SLC5A10: variants seen among roughly 807,000 people sequenced by gnomAD.
SLC5A10 encodes the protein solute carrier family 5 member 10.
A neutral mutation model predicts 68.9 loss-of-function variants in SLC5A10; 55 were observed. The ratio of observed to expected loss-of-function variants is 0.80; its 90% CI spans 0.64 to 1.00. The LOEUF is 1.00. Among genes scored for constraint, SLC5A10 ranks in the 50% least tolerant of loss-of-function variants. SLC5A10 has a pLI of 0.00. For synonymous variants in SLC5A10, 344 were observed against 344.8 expected (o/e 1.00, Z 0.02); for missense variants, 732 against 819.3 (o/e 0.89, Z 1.30).
At chr17:18,956,465 GTTTTTTTTT>G (rs750867503) in intron 1 of SLC5A10, among the ~76,000 whole-genome samples, 1 of 98,010 alleles carries the variant, frequency 1.0e-5, no homozygotes, top group Admixed American at 1.3e-4. Context: ...TTTTCTTTCT[GTTTTTTTTT>G]TTTTTTTTTT....
chr17:18,987,913 T>C (rs921963013), intron 9 of SLC5A10, among the ~76,000 whole-genome samples: 1 of 152,218 alleles, frequency 6.6e-6, no homozygotes, highest in Non-Finnish European at 1.5e-5. Flanking sequence ...GAGCACACTA[T>C]CACCAGAGGT....
chr17:18,985,096 T>C (rs1039956149), intron 9 of SLC5A10, among the ~76,000 whole-genome samples: 1 of 152,152 alleles, frequency 6.6e-6, no homozygotes, highest in African/African-American at 2.4e-5. Flanking sequence ...AGCCAGACCC[T>C]GGCGCAGAGG....
intron 8 of SLC5A10, among the ~76,000 whole-genome samples, chr17:18,975,533 T>C (rs1301089123): frequency 6.6e-6 from 1 of 151,220 alleles, no homozygotes; most frequent in Non-Finnish European, 1.5e-5. Context: ...CTACTAAAAA[T>C]ACAAAAAAAA....
At chr17:18,970,606 A>C in intron 7 of SLC5A10, 1 of 246,952 alleles carries the variant, frequency 4.0e-6, no homozygotes, top group South Asian at 5.3e-5. Context: ...GATCAGGATG[A>C]ACACTTTAGA....
intron 8 of SLC5A10, chr17:18,975,636 G>C (rs1296089388): frequency 2.6e-5 from 4 of 151,932 alleles, no homozygotes; most frequent in Non-Finnish European, 1.5e-5. Flanking sequence ...CAGAGGTTGC[G>C]GTGACCCGAG....
Position 18,971,379 on chromosome 17 carries a change from G to A in SLC5A10, c.846+161G>A, listed in dbSNP as rs765570800. On this transcript the variant is annotated intron_variant, in intron 8 of 14. Transcript: ENST00000395645. The surrounding 1 kb of genome is among the most constrained non-coding windows in gnomAD (Gnocchi z 5.5). Reference sequence around the variant, plus strand: ...TGCTGCTAGGGGTCTTTGCGGTCCCGGGGGGCTTGAGCCCTCCGTTTAGAA... The same window carrying A: ...TGCTGCTAGGGGTCTTTGCGGTCCCAGGGGGCTTGAGCCCTCCGTTTAGAA... 2.5e-6 allele frequency: 4 copies of A among 1,601,780 alleles called. No homozygotes were observed. Among genetic ancestry groups the A allele is most frequent in the South Asian group, 2.2e-5 (2 of 90,458 alleles).
At chr17:18,998,637 T>C (rs2043632836) in intron 9 of SLC5A10, among the ~76,000 whole-genome samples, 1 of 152,190 alleles carries the variant, frequency 6.6e-6, no homozygotes, top group African/African-American at 2.4e-5. Context: ...TCCTTAGAGC[T>C]CCTTCCTCGA....
chr17:18,975,718 G>C (rs966417398), intron 8 of SLC5A10: 1 of 152,028 alleles, frequency 6.6e-6, no homozygotes, highest in Non-Finnish European at 1.5e-5. Flanking sequence ...AATCATAGAG[G>C]CTTCCTGCTC....
At position 18,996,715 on chromosome 17, in the gene SLC5A10, G is replaced by T. The variant is rs2043579209; in HGVS notation, c.983-16695G>T. Among the ~76,000 whole-genome samples the T allele has an allele frequency of 6.6e-6, 1 of 152,192 alleles. No homozygotes were observed. Among genetic ancestry groups the T allele is most frequent in the African/African-American group, 2.4e-5 (1 of 41,430 alleles). On this transcript the variant is annotated intron_variant, in intron 9 of 14. Transcript: ENST00000395645. This position sits in a 1 kb window ranked among gnomAD's most constrained non-coding sequence, Gnocchi z 4.4. ...TGGTGATGGCCACTCCCATTTTCCAGAGGGGGTGTCACTGTCCCAGGGCCA... is the reference window on the plus strand; with the variant it reads ...TGGTGATGGCCACTCCCATTTTCCATAGGGGGTGTCACTGTCCCAGGGCCA...
In SLC5A10 at chr17:18,996,195, A is replaced by C. The variant is rs1181759312; in HGVS notation, c.983-17215A>C. On this transcript the variant is annotated intron_variant, in intron 9 of 14. Transcript: ENST00000395645. The surrounding 1 kb of genome is among the most constrained non-coding windows in gnomAD (Gnocchi z 4.4). The stretch of plus-strand genomic sequence containing the variant: ...CAGTAAAAATACATTTCAAAACAAA[A>C]GGCAAACTAAAGACTTTTTCAAATA... Among the ~76,000 whole-genome samples, 1 of 152,104 alleles carries C rather than the reference A, an allele frequency of 6.6e-6. No homozygotes were observed.
At chr17:18,955,070 AG>A (rs2042466132) in intron 1 of SLC5A10, among the ~76,000 whole-genome samples, 1 of 133,428 alleles carries the variant, frequency 7.5e-6, no homozygotes, top group South Asian at 2.5e-4. Flanking sequence ...TGGGCAAAAG[AG>A]TGAAACACTG....
At chr17:18,988,635 G>A (rs2043328737) in intron 9 of SLC5A10, among the ~76,000 whole-genome samples, 1 of 152,236 alleles carries the variant, frequency 6.6e-6, no homozygotes, top group Non-Finnish European at 1.5e-5. Flanking sequence ...CAGCCCAGGG[G>A]CCCTGTGTTG....
rs2043802831 is a variant in SLC5A10 at position 19,003,845 on chromosome 17, C to T, written c.983-9565C>T. On this transcript the variant is annotated intron_variant, in intron 9 of 14. Transcript: ENST00000395645. The surrounding 1 kb of genome is among the most constrained non-coding windows in gnomAD (Gnocchi z 4.5). ...GTACACCTCGATGGTCTCCAGGATGCGCTTGAGCTCCAGCTCCGAGAGGAA... is the reference window on the plus strand; with the variant it reads ...GTACACCTCGATGGTCTCCAGGATGTGCTTGAGCTCCAGCTCCGAGAGGAA... 6.2e-7 allele frequency: 1 copy of T among 1,612,912 alleles called. No individual in the cohort carries two copies.
At chr17:18,977,606 C>A in intron 9 of SLC5A10, 2 of 1,609,036 alleles carry the variant, frequency 1.2e-6, no homozygotes, top group Non-Finnish European at 1.7e-6. Context: ...GTCTGTGGAG[C>A]GCTGGGCCTG....
chr17:18,989,360 G>A (rs1368662566), intron 9 of SLC5A10, among the ~76,000 whole-genome samples: 2 of 152,186 alleles, frequency 1.3e-5, no homozygotes, highest in Non-Finnish European at 2.9e-5. Context: ...AGGCGGCCTG[G>A]AGCCTGCTGG....
chr17:18,982,169 C>T (rs1194583327), intron 9 of SLC5A10, among the ~76,000 whole-genome samples: 1 of 152,234 alleles, frequency 6.6e-6, no homozygotes, highest in Non-Finnish European at 1.5e-5. Context: ...CGCTGTGACT[C>T]GAAGCAAGTC....
At chr17:19,007,945 T>A (rs2043931052) in intron 9 of SLC5A10, among the ~76,000 whole-genome samples, 1 of 152,248 alleles carries the variant, frequency 6.6e-6, no homozygotes, top group Non-Finnish European at 1.5e-5. Context: ...TGGTCTTTGA[T>A]GTGTCTGGAG....
chr17:18,971,452 C>T lies in SLC5A10; in HGVS notation c.846+234C>T, dbSNP rs943694853. The T allele has an allele frequency of 5.0e-6, 8 of 1,613,818 alleles. No individual in the cohort carries two copies. In the African/African-American group the frequency reaches 5.3e-5, roughly 11 times the overall value. On this transcript the variant is annotated intron_variant, in intron 8 of 14. Coordinates refer to ENST00000395645, the MANE Select transcript of SLC5A10 (RefSeq NM_001042450.4). The surrounding 1 kb of genome is among the most constrained non-coding windows in gnomAD (Gnocchi z 5.5). ...CGCCCGTCCTGGCCTTTAGGTGCTT[C>T]GACTGAGACAGTTTGGAGTATGGGA... is the stretch of plus-strand genomic sequence containing the variant.
intron 8 of SLC5A10, among the ~76,000 whole-genome samples, chr17:18,973,884 G>GTTTTTT (rs35778801): frequency 1.0e-5 from 1 of 95,740 alleles, no homozygotes; most frequent in Non-Finnish European, 2.0e-5. Flanking sequence ...TTTTTTTTAA[G>GTTTTTT]TTTTTTTTTT....
Sources: allele counts gnomAD v4.1 joint callset (sites outside exome capture counted in the v4.1 genomes callset), GRCh38; gene constraint gnomAD v4.1.1; non-coding constraint Gnocchi (gnomAD v3.1); transcripts MANE v1.5; gene names NCBI Gene and HGNC (gene_info 2026-07-23, HGNC 2026-07-21).